USP12: variants seen among roughly 807,000 people sequenced by gnomAD.
USP12 encodes the protein ubiquitin carboxyl-terminal hydrolase 12.
USP12 carries 19 observed loss-of-function variants against 45.5 expected under a neutral mutation model. The observed-to-expected ratio is 0.42, with a 90% confidence interval of 0.29 to 0.61. The LOEUF (loss-of-function observed/expected upper bound fraction) is 0.61, where lower values mean the gene tolerates loss of function less well. Ranked by LOEUF, USP12 falls within the 20% of genes least tolerant of loss-of-function variation. The pLI is 0.22. For synonymous variants in USP12, 149 were observed against 148.8 expected (o/e 1.00, Z -0.01); for missense variants, 242 against 447.7 (o/e 0.54, Z 4.15).
intron 1 of USP12, among the ~76,000 whole-genome samples, chr13:27,166,869 C>A (rs1324768688): frequency 1.3e-5 from 2 of 152,090 alleles, no homozygotes; most frequent in African/African-American, 4.8e-5. Context: ...TACCACTATG[C>A]TTTATTGGGC....
At chr13:27,090,781 C>T (rs947812554) in intron 4 of USP12, among the ~76,000 whole-genome samples, 1 of 152,196 alleles carries the variant, frequency 6.6e-6, no homozygotes, top group African/African-American at 2.4e-5. Context: ...ATACGTCTGA[C>T]TCAGCAACCT....
chr13:27,108,773 A>G (rs1391372789), intron 2 of USP12, among the ~76,000 whole-genome samples: 1 of 152,186 alleles, frequency 6.6e-6, no homozygotes, highest in Non-Finnish European at 1.5e-5. Context: ...CCTGGCCAAC[A>G]TGGTGAAACC....
At chr13:27,138,187 T>C (rs1049625245) in intron 1 of USP12, among the ~76,000 whole-genome samples, 1 of 152,206 alleles carries the variant, frequency 6.6e-6, no homozygotes, top group Admixed American at 6.5e-5. Flanking sequence ...TGATAATTTG[T>C]TACACAGCAC....
chr13:27,092,355 T>C (rs781368894), intron 4 of USP12, among the ~76,000 whole-genome samples: 10 of 152,224 alleles, frequency 6.6e-5, no homozygotes, highest in Admixed American at 2.0e-4. Flanking sequence ...TTTGTGGATA[T>C]CGACGAACTT....
rs1456100809 is a variant in USP12, at chr13:27,152,961, A to G, written c.48+18631T>C. ...CGTCTCAAAAAAAAAAAAAAAAAAGAAAGAAAGAAAAGAAAATAGAATATG... is the reference window on the plus strand; with the variant it reads ...CGTCTCAAAAAAAAAAAAAAAAAAGGAAGAAAGAAAAGAAAATAGAATATG... On this transcript the variant is annotated intron_variant, in intron 1 of 8. Coordinates refer to ENST00000282344, the MANE Select transcript of USP12 (RefSeq NM_182488.4). 2.0e-5 allele frequency among the ~76,000 whole-genome samples: 3 copies of G among 148,480 alleles called. No homozygotes were observed. In the East Asian group the frequency reaches 5.9e-4, roughly 29 times the overall value.
intron 1 of USP12, among the ~76,000 whole-genome samples, chr13:27,137,925 G>A (rs970857666): frequency 5.3e-5 from 8 of 152,226 alleles, no homozygotes; most frequent in Non-Finnish European, 1.0e-4. Flanking sequence ...AACCGTAGGC[G>A]GCCTCTCAGC....
intron 1 of USP12, among the ~76,000 whole-genome samples, chr13:27,132,421 A>G (rs1207160155): frequency 1.3e-5 from 2 of 151,084 alleles, no homozygotes. Flanking sequence ...AAAGCAGTAC[A>G]GGAAGGCAAA....
chr13:27,147,141 G>A (rs372608806), intron 1 of USP12, among the ~76,000 whole-genome samples: 11 of 152,042 alleles, frequency 7.2e-5, no homozygotes, highest in Non-Finnish European at 1.3e-4. Context: ...TTCAATTTAC[G>A]GTATCTGTTA....
Position 27,111,152 on chromosome 13 carries a change from C to T in USP12, c.130-5208G>A, listed in dbSNP as rs1198263009. Among the ~76,000 whole-genome samples, 6 of 152,152 alleles carry T rather than the reference C, an allele frequency of 3.9e-5. No individual in the cohort carries two copies. The South Asian group carries it at 1.0e-3, about 26-fold the overall frequency. ...CCATTAGTCTTCTTTTATTTACTTT[C>T]ATCAATCCCATTAAAGAAAAATTAA... On this transcript the variant is annotated intron_variant, in intron 2 of 8. Transcript: ENST00000282344.
chr13:27,155,810 G>C (rs1365592844), intron 1 of USP12, among the ~76,000 whole-genome samples: 1 of 152,148 alleles, frequency 6.6e-6, no homozygotes, highest in Non-Finnish European at 1.5e-5. Context: ...AAGTCTAGAT[G>C]CGGAAAAGGT....
chr13:27,131,266 T>TGA (rs1207637202), intron 1 of USP12, among the ~76,000 whole-genome samples: 3 of 152,174 alleles, frequency 2.0e-5, no homozygotes, highest in Admixed American at 2.0e-4. Context: ...ACCCTCCTGG[T>TGA]GAGAGGGTGA....
chr13:27,069,466 C>A, intron 8 of USP12, 82 bp from the exon 9 acceptor site: 1 of 995,188 alleles, frequency 1.0e-6, no homozygotes, highest in Non-Finnish European at 1.6e-6. Context: ...CTGACAATAC[C>A]AAGTATTTGG....
chr13:27,114,464 T>A (rs1593191820), intron 2 of USP12, among the ~76,000 whole-genome samples: 1 of 152,152 alleles, frequency 6.6e-6, no homozygotes, highest in Non-Finnish European at 1.5e-5. Flanking sequence ...CCTTTCCCCA[T>A]CCAAAGGTCC....
At position 27,067,755 on chromosome 13, in the gene USP12, G is replaced by T. The variant is rs867693395; in HGVS notation, c.*1528C>A. The T allele has an allele frequency of 1.2e-4, 19 of 152,010 alleles. No homozygotes were observed. Among genetic ancestry groups the T allele is most frequent in the South Asian group, 4.1e-4 (2 of 4,826 alleles). The allele number at this position is 152,010 out of a possible 1,614,324, so 9.4% of individuals were successfully genotyped here. On this transcript the variant is annotated 3_prime_UTR_variant, in exon 9 of 9. Transcript: ENST00000282344. ...AATGACAATTTTTTTTAAATTTACT[G>T]CCTGAAAAGAGTTTAATAAAGAACA...
intron 1 of USP12, among the ~76,000 whole-genome samples, chr13:27,154,845 C>G (rs980068733): frequency 1.1e-4 from 16 of 152,050 alleles, no homozygotes; most frequent in Non-Finnish European, 2.2e-4. Flanking sequence ...AAGAGGGAAG[C>G]AGGACAGTCG....
At chr13:27,117,620 T>C (rs955965384) in intron 1 of USP12, 7 of 320,200 alleles carry the variant, frequency 2.2e-5, no homozygotes, top group African/African-American at 1.5e-4. Context: ...CACCAACGTG[T>C]GTGTGTGTTT....
chr13:27,171,247 C>T (rs1161675383), intron 1 of USP12, among the ~76,000 whole-genome samples: 6 of 150,264 alleles, frequency 4.0e-5, no homozygotes, highest in Admixed American at 6.6e-5. Context: ...CGCGCCTCGG[C>T]CCTCGTCCCC....
intron 1 of USP12, among the ~76,000 whole-genome samples, chr13:27,142,025 A>T (rs1234096226): frequency 6.6e-6 from 1 of 152,114 alleles, no homozygotes; most frequent in Non-Finnish European, 1.5e-5. Context: ...GCAAGGCTGA[A>T]GCAGGAGAAT....
intron 3 of USP12, among the ~76,000 whole-genome samples, chr13:27,101,701 A>C (rs1874868575): frequency 6.6e-6 from 1 of 152,240 alleles, no homozygotes. Flanking sequence ...TGTTCTCCTC[A>C]TAATTCAGAA....
Sources: gnomAD v4.1 joint callset for allele counts (sites outside exome capture counted in the v4.1 genomes callset) on GRCh38, gnomAD v4.1.1 for gene constraint, MANE v1.5 for transcripts, NCBI Gene and HGNC (gene_info 2026-07-23, HGNC 2026-07-21) for gene names.